Variants in SFXN4 observed in about 807,000 individuals in gnomAD.
SFXN4 encodes sideroflexin 4.
A neutral mutation model predicts 54.6 loss-of-function variants in SFXN4; 48 were observed. That is an observed-to-expected ratio of 0.88 (90% CI 0.70 to 1.12). The LOEUF is 1.12. Among genes scored for constraint, SFXN4 ranks in the 50% most tolerant of loss-of-function variants. The pLI is 0.00. For synonymous variants in SFXN4, 130 were observed against 145.5 expected (o/e 0.89, Z 0.77); for missense variants, 383 against 409.2 (o/e 0.94, Z 0.55).
chr10:119,157,245 A>G (rs1465014919), intron 9 of SFXN4, among the ~76,000 whole-genome samples: 2 of 152,114 alleles, frequency 1.3e-5, no homozygotes, highest in Admixed American at 1.3e-4. Context: ...CCTGGCCAAC[A>G]TGGTGAAATC....
chr10:119,150,154 T>A (rs1043519605), intron 11 of SFXN4, among the ~76,000 whole-genome samples: 2 of 152,242 alleles, frequency 1.3e-5, no homozygotes, highest in African/African-American at 4.8e-5. Context: ...AGACCTTTTT[T>A]TTTTTAAAGT....
At chr10:119,151,230 G>A (rs1176790490) in intron 11 of SFXN4, among the ~76,000 whole-genome samples, 3 of 152,014 alleles carry the variant, frequency 2.0e-5, no homozygotes, top group Admixed American at 6.6e-5. Flanking sequence ...TTAGTTGGGC[G>A]CAGTGGCGCA....
chr10:119,154,455 G>A (rs576116687), intron 11 of SFXN4, among the ~76,000 whole-genome samples: 9 of 152,316 alleles, frequency 5.9e-5, no homozygotes, highest in African/African-American at 1.7e-4. Flanking sequence ...GGGAGGCCAC[G>A]GTGGGAGGAT....
chr10:119,157,647 A>G (rs1430326857), intron 9 of SFXN4, 21 bp downstream of exon 9: 1 of 1,559,016 alleles, frequency 6.4e-7, no homozygotes, highest in Non-Finnish European at 8.7e-7. Context: ...AGAAGATTTG[A>G]CAGATTCTAA....
chr10:119,146,207 T>C (rs1846787458), intron 13 of SFXN4, 29 bp downstream of exon 13: 1 of 1,222,712 alleles, frequency 8.2e-7, no homozygotes, highest in Non-Finnish European at 1.2e-6. Context: ...TAAAAAACTT[T>C]GAGAGAAAAG....
At chr10:119,163,160 T>A (rs954461664) in intron 2 of SFXN4, among the ~76,000 whole-genome samples, 1 of 151,910 alleles carries the variant, frequency 6.6e-6, no homozygotes, top group African/African-American at 2.4e-5. Context: ...CACACTATAA[T>A]CCCCTCACCC....
chr10:119,141,342 A>C (rs746330971), intron 13 of SFXN4, 23 bp from the exon 14 acceptor site: 1 of 1,440,634 alleles, frequency 6.9e-7, no homozygotes, highest in Non-Finnish European at 9.6e-7. Flanking sequence ...TAAATTCATA[A>C]TGTTTCTATT....
rs529655042 is a variant in SFXN4 at position 119,156,160 on chromosome 10, T to C, written c.616+518A>G. Among the ~76,000 whole-genome samples the C allele has an allele frequency of 2.6e-3, 403 of 152,294 alleles. 1 individual carries two copies. The highest frequency in any genetic ancestry group is 9.3e-3 in the African/African-American group (388 of 41,568). ...ATGTAGGGCCAGGCGCGGTGGCTCA[T>C]GCCTGTAATCCCAGCATTTTGGAAA... On this transcript the variant is annotated intron_variant, in intron 10 of 13. Transcript: ENST00000355697.
chr10:119,162,544 T>C (rs1195644880), intron 2 of SFXN4, 130 bp from the exon 3 acceptor site: 1 of 713,902 alleles, frequency 1.4e-6, no homozygotes, highest in Admixed American at 2.3e-5. Flanking sequence ...TCAAGCCACA[T>C]GGTGCCCTAG....
intron 13 of SFXN4, among the ~76,000 whole-genome samples, chr10:119,145,315 T>C (rs1846743746): frequency 1.5e-5 from 2 of 135,824 alleles, no homozygotes; most frequent in African/African-American, 5.6e-5. Flanking sequence ...CTTATGATTT[T>C]TTTTTTTTTT....
At chr10:119,145,594 G>A (rs933554323) in intron 13 of SFXN4, among the ~76,000 whole-genome samples, 5 of 152,006 alleles carry the variant, frequency 3.3e-5, no homozygotes, top group East Asian at 1.9e-4. Flanking sequence ...ATGAGCCACC[G>A]CGCCTGGCCT....
chr10:119,162,324 A>T lies in SFXN4; in HGVS notation c.252+16T>A. ...ATCTGAGGGCAACCAGCCAGACCTG[A>T]GCACGTGAAACATACCCTTTGGTCC... On this transcript the variant is annotated intron_variant, in intron 3 of 13. Coordinates refer to ENST00000355697, the MANE Select transcript of SFXN4 (RefSeq NM_213649.2). 1 of 1,612,850 alleles carries T rather than the reference A, an allele frequency of 6.2e-7. No homozygotes were observed. Among genetic ancestry groups the T allele is most frequent in the Non-Finnish European group, 8.5e-7 (1 of 1,178,864 alleles).
chr10:119,161,437 C>CAAAAAAAAAAAAAAAAAAAACCA (rs1554888747), intron 3 of SFXN4, among the ~76,000 whole-genome samples: 11 of 119,844 alleles, frequency 9.2e-5, no homozygotes, highest in African/African-American at 3.1e-4. Context: ...CAAAAAAAAA[C>CAAAAAAAAAAAAAAAAAAAACCA]AAAAAAAAAA....
rs972384048 is a variant in SFXN4 at position 119,164,649 on chromosome 10, T to C, written c.112-453A>G. ...CCCATTAAGGGCTCAATGGTGCAGC[T>C]GGGGTCACACTGGGGAAAAAGAGGT... On this transcript the variant is annotated intron_variant, in intron 1 of 13. Transcript: ENST00000355697. 4.5e-4 allele frequency among the ~76,000 whole-genome samples: 69 copies of C among 152,152 alleles called. 1 individual carries two copies.
At chr10:119,145,121 G>A (rs7085975) in intron 13 of SFXN4, among the ~76,000 whole-genome samples, 18,216 of 151,872 alleles carry the variant, frequency 0.12, 1,559 homozygotes, top group African/African-American at 0.24. Context: ...CTTGAATAAT[G>A]CAGGTTTGAA....
At chr10:119,154,943 T>TAAGGA (rs1847218653) in intron 11 of SFXN4, 119 bp downstream of exon 11, 2 of 675,776 alleles carry the variant, frequency 3.0e-6, no homozygotes, top group Admixed American at 4.9e-5. Flanking sequence ...CTCAGCATGC[T>TAAGGA]AAGGAAAGAC....
At chr10:119,146,799 C>T (rs1009865539) in intron 12 of SFXN4, among the ~76,000 whole-genome samples, 6 of 152,148 alleles carry the variant, frequency 3.9e-5, no homozygotes, top group African/African-American at 1.4e-4. Flanking sequence ...AACTCCTGAC[C>T]TCAGGTGATC....
chr10:119,151,101 G>C (rs1292249736), intron 11 of SFXN4, among the ~76,000 whole-genome samples: 1 of 152,202 alleles, frequency 6.6e-6, no homozygotes, highest in Non-Finnish European at 1.5e-5. Flanking sequence ...CAGGCATGGG[G>C]GCTCACGCCT....
intron 13 of SFXN4, among the ~76,000 whole-genome samples, 197 bp from the exon 14 acceptor site, chr10:119,141,516 T>TC (rs1846523651): frequency 2.0e-5 from 3 of 148,898 alleles, no homozygotes; most frequent in Non-Finnish European, 4.5e-5. Flanking sequence ...ACTTTTTTTT[T>TC]TTTTTTTTTT....
Sources: allele counts gnomAD v4.1 joint callset (sites outside exome capture counted in the v4.1 genomes callset), GRCh38; gene constraint gnomAD v4.1.1; transcripts MANE v1.5; gene names NCBI Gene and HGNC (gene_info 2026-07-23, HGNC 2026-07-21).